Variants in TNS1 observed in about 807,000 individuals in gnomAD.
TNS1 encodes tensin 1.
TNS1 carries 62 observed loss-of-function variants against 168.6 expected under a neutral mutation model. The ratio of observed to expected loss-of-function variants is 0.37; its 90% confidence interval spans 0.30 to 0.45. The LOEUF is 0.45. Ranked by LOEUF, TNS1 falls within the 20% of genes least tolerant of loss-of-function variation. TNS1 has a pLI of 1.00. For missense variants in TNS1, 2,240 were observed against 2,339.4 expected (o/e 0.96, Z 0.88); for synonymous variants, 934 against 933.2 (o/e 1.00, Z -0.02).
rs147061806 is a variant in TNS1 at position 217,893,228 on chromosome 2, G to A, written c.717+211C>T. On this transcript the variant is annotated intron_variant, in intron 10 of 32. Transcript: ENST00000682258. ...TGATCATCCACTGCCGTGGACATAA[G>A]CTGATGTCCCCTACACTTCTTAGAA... Among the ~76,000 whole-genome samples the A allele has an allele frequency of 3.7e-4, 56 of 152,302 alleles. 1 individual carries two copies. Among genetic ancestry groups the A allele is most frequent in the African/African-American group, 1.1e-3 (47 of 41,562 alleles).
chr2:218,017,219 AC>A (rs1958769960), intron 1 of TNS1, among the ~76,000 whole-genome samples: 1 of 151,950 alleles, frequency 6.6e-6, no homozygotes, highest in Non-Finnish European at 1.5e-5. Flanking sequence ...TCTCTTTCCC[AC>A]CCCAAGGATC....
At chr2:218,028,305 G>A (rs1474041072) in intron 1 of TNS1, among the ~76,000 whole-genome samples, 3 of 152,096 alleles carry the variant, frequency 2.0e-5, no homozygotes, top group Non-Finnish European at 4.4e-5. Context: ...GCCCAGATGG[G>A]CCCAGGGGAG....
intron 3 of TNS1, among the ~76,000 whole-genome samples, chr2:217,923,894 G>A (rs73078365): frequency 0.023 from 3,519 of 152,212 alleles, 145 homozygotes; most frequent in African/African-American, 0.078. Context: ...CCTGGCACTC[G>A]TCAGCCCCCA....
chr2:218,023,476 CCCCAAG>C (rs1244258333), intron 1 of TNS1, among the ~76,000 whole-genome samples: 1 of 152,144 alleles, frequency 6.6e-6, no homozygotes, highest in African/African-American at 2.4e-5. Context: ...AGTCAGAGAC[CCCCAAG>C]CCCAGGGCTC....
intron 1 of TNS1, among the ~76,000 whole-genome samples, chr2:218,024,666 C>G (rs1461120766): frequency 6.6e-6 from 1 of 152,176 alleles, no homozygotes; most frequent in Non-Finnish European, 1.5e-5. Flanking sequence ...CCCAGGCCAG[C>G]CCCAGAGGAC....
At chr2:218,006,625 C>A (rs945852177), upstream of TNS1, among the ~76,000 whole-genome samples, 3 of 152,066 alleles carry the variant, frequency 2.0e-5, no homozygotes, top group Non-Finnish European at 4.4e-5. Context: ...ATGAGGGGAG[C>A]GGGCAAGGGG....
At chr2:217,925,364 G>T (rs142880001) in intron 3 of TNS1, among the ~76,000 whole-genome samples, 1,824 of 152,146 alleles carry the variant, frequency 0.012, 45 homozygotes, top group African/African-American at 0.041. Flanking sequence ...CAGGACCAGG[G>T]CCCCAACTGG....
intron 20 of TNS1, among the ~76,000 whole-genome samples, chr2:217,835,407 C>T (rs899478637): frequency 1.2e-4 from 18 of 152,212 alleles, no homozygotes; most frequent in African/African-American, 4.3e-4. Flanking sequence ...CCAGTACACT[C>T]GCTCCCTCAA....
chr2:217,937,912 C>T (rs887445209), intron 3 of TNS1, among the ~76,000 whole-genome samples: 14 of 152,208 alleles, frequency 9.2e-5, no homozygotes, highest in African/African-American at 3.4e-4. Context: ...CCCCTATCCC[C>T]TAACCCAGCA....
At chr2:217,950,897 T>TG (rs1281484810) in intron 3 of TNS1, among the ~76,000 whole-genome samples, 2 of 151,902 alleles carry the variant, frequency 1.3e-5, no homozygotes, top group Non-Finnish European at 2.9e-5. Context: ...GCTCTGCTCA[T>TG]GGCCAATCTC....
chr2:217,845,208 G>A (rs376592438), intron 19 of TNS1, among the ~76,000 whole-genome samples: 1 of 152,220 alleles, frequency 6.6e-6, no homozygotes, highest in African/African-American at 2.4e-5. Flanking sequence ...GGGGAGGAAA[G>A]CCAGGAGAAA....
intron 27 of TNS1, 132 bp from the exon 28 acceptor site, chr2:217,812,577 G>A: frequency 1.5e-6 from 1 of 677,472 alleles, no homozygotes; most frequent in East Asian, 2.9e-5. Context: ...CACCACCAAA[G>A]CTGAAAATTC....
intron 19 of TNS1, among the ~76,000 whole-genome samples, chr2:217,839,173 C>A (rs1351165838): frequency 6.6e-6 from 1 of 152,148 alleles, no homozygotes; most frequent in African/African-American, 2.4e-5. Context: ...TAGGGCCAGC[C>A]CCTACCCCAG....
chr2:217,898,017 C>T (rs1461103918), intron 7 of TNS1, 48 bp from the exon 8 acceptor site: 2 of 1,543,342 alleles, frequency 1.3e-6, no homozygotes, highest in African/African-American at 2.8e-5. Context: ...ATCCAGCCCA[C>T]AGGGAAGGCC....
chr2:217,955,580 C>G (rs1244974510), intron 3 of TNS1, among the ~76,000 whole-genome samples: 1 of 152,240 alleles, frequency 6.6e-6, no homozygotes, highest in African/African-American at 2.4e-5. Flanking sequence ...CTGCCTCAGG[C>G]ACCAAGTACT....
At chr2:217,868,737 G>A (rs984114392) in intron 18 of TNS1, among the ~76,000 whole-genome samples, 2 of 152,224 alleles carry the variant, frequency 1.3e-5, no homozygotes, top group Non-Finnish European at 2.9e-5. Flanking sequence ...AAGGCAAGAG[G>A]CAAAGCTAGG....
intron 8 of TNS1, among the ~76,000 whole-genome samples, chr2:217,895,734 C>A (rs755920533): frequency 1.3e-5 from 2 of 152,312 alleles, no homozygotes; most frequent in Non-Finnish European, 2.9e-5. Context: ...CCACTGGAAT[C>A]CTAAGGAATT....
At chr2:217,835,277 C>T (rs1225507656) in intron 20 of TNS1, 111 bp from the exon 21 acceptor site, 16 of 1,009,022 alleles carry the variant, frequency 1.6e-5, no homozygotes, top group Middle Eastern at 2.3e-4. Flanking sequence ...CACATCCCCT[C>T]GTCAGCCTGG....
intron 12 of TNS1, among the ~76,000 whole-genome samples, chr2:217,889,312 G>A (rs1025036055): frequency 6.6e-6 from 1 of 152,210 alleles, no homozygotes; most frequent in African/African-American, 2.4e-5. Flanking sequence ...ATAGCCCCCA[G>A]CTGGGACAGC....
Sources: allele counts gnomAD v4.1 joint callset (sites outside exome capture counted in the v4.1 genomes callset), GRCh38; gene constraint gnomAD v4.1.1; transcripts MANE v1.5; gene names NCBI Gene and HGNC (gene_info 2026-07-23, HGNC 2026-07-21).